Variants in KPNA7 observed in about 807,000 individuals in gnomAD.
KPNA7 encodes karyopherin subunit alpha 7.
KPNA7 carries 54 observed loss-of-function variants against 53.7 expected under a neutral mutation model. The ratio of observed to expected loss-of-function variants is 1.01; its 90% CI spans 0.81 to 1.26. The LOEUF (loss-of-function observed/expected upper bound fraction) is 1.26. Among genes scored for constraint, KPNA7 ranks in the 50% most tolerant of loss-of-function variants. KPNA7 has a pLI of 0.00. For synonymous variants in KPNA7, 276 were observed against 259.3 expected (o/e 1.06, Z -0.62); for missense variants, 640 against 644.5 (o/e 0.99, Z 0.07).
At chr7:99,172,202 A>G (rs1798782644), downstream of KPNA7, among the ~76,000 whole-genome samples, 2 of 152,224 alleles carry the variant, frequency 1.3e-5, no homozygotes, top group Non-Finnish European at 2.9e-5. Flanking sequence ...AAATTCGAAC[A>G]TCGTCTTTAG....
intron 1 of KPNA7, among the ~76,000 whole-genome samples, chr7:99,217,775 C>A (rs1462462803): frequency 1.3e-5 from 2 of 151,630 alleles, no homozygotes; most frequent in African/African-American, 4.8e-5. Context: ...GGATTACAGT[C>A]ACACACCACC....
At chr7:99,191,160 ATTTTTT>A (rs5886098) in intron 6 of KPNA7, among the ~76,000 whole-genome samples, 2 of 134,682 alleles carry the variant, frequency 1.5e-5, no homozygotes, top group African/African-American at 2.7e-5. Context: ...CTGCTATACA[ATTTTTT>A]TTTTTTTTTT....
intron 1 of KPNA7, among the ~76,000 whole-genome samples, chr7:99,216,456 C>T (rs1252382776): frequency 6.6e-6 from 1 of 152,214 alleles, no homozygotes; most frequent in Non-Finnish European, 1.5e-5. Context: ...AGCTCAGCTG[C>T]TCCCTATACA....
chr7:99,168,665 A>G (rs779240919), downstream of KPNA7, among the ~76,000 whole-genome samples: 1 of 151,908 alleles, frequency 6.6e-6, no homozygotes, highest in Non-Finnish European at 1.5e-5. Flanking sequence ...CATCCAGCTA[A>G]TTTTTTTAAA....
At chr7:99,179,576 T>C (rs1479769841) in intron 9 of KPNA7, among the ~76,000 whole-genome samples, 1 of 150,776 alleles carries the variant, frequency 6.6e-6, no homozygotes, top group Non-Finnish European at 1.5e-5. Context: ...TATATATTTA[T>C]ATTATTTATA....
intron 2 of KPNA7, among the ~76,000 whole-genome samples, chr7:99,203,743 C>T (rs991890546): frequency 6.6e-6 from 1 of 152,042 alleles, no homozygotes; most frequent in Admixed American, 6.6e-5. Context: ...TGGAGTCTCA[C>T]TCTGTCACCC....
chr7:99,216,208 T>C (rs1791215184), intron 1 of KPNA7, among the ~76,000 whole-genome samples: 2 of 151,998 alleles, frequency 1.3e-5, no homozygotes, highest in Non-Finnish European at 2.9e-5. Context: ...TTTTGCATTT[T>C]AGAAAGACAG....
chr7:99,176,647 G>A (rs544695144), intron 10 of KPNA7, among the ~76,000 whole-genome samples: 1 of 152,242 alleles, frequency 6.6e-6, no homozygotes, highest in South Asian at 2.1e-4. Flanking sequence ...GGCCGAGACG[G>A]GTGGCTTGCT....
At chr7:99,178,525 G>A (rs528994447) in intron 9 of KPNA7, among the ~76,000 whole-genome samples, 2 of 151,872 alleles carry the variant, frequency 1.3e-5, no homozygotes, top group South Asian at 2.1e-4. Context: ...CTGACATTGC[G>A]CCACTGCACT....
the KPNA7 span, among the ~76,000 whole-genome samples, chr7:99,151,194 A>C: frequency 6.6e-6 from 1 of 152,050 alleles, no homozygotes; most frequent in East Asian, 1.9e-4. Context: ...TGGTGCCTGC[A>C]TCGTGCTGAT....
chr7:99,158,340 CT>C, the KPNA7 span, among the ~76,000 whole-genome samples: 2 of 152,018 alleles, frequency 1.3e-5, no homozygotes, highest in Admixed American at 1.3e-4. Context: ...TTTCTTTCCT[CT>C]ATGTTTTTTT....
chr7:99,190,546 TAAAGGGCCAGA>T, intron 6 of KPNA7, among the ~76,000 whole-genome samples: 1 of 152,104 alleles, frequency 6.6e-6, no homozygotes, highest in Admixed American at 6.6e-5. Flanking sequence ...ACTTTTTCGG[TAAAGGGCCAGA>T]TCTTAAACAT....
At chr7:99,194,963 T>C (rs1198039787) in intron 5 of KPNA7, 107 bp downstream of exon 5, 2 of 1,314,812 alleles carry the variant, frequency 1.5e-6, no homozygotes, top group African/African-American at 1.5e-5. Context: ...GGTATTTACA[T>C]GGCAAAGTGT....
At chr7:99,173,821 A>AC (rs1436671123) in intron 10 of KPNA7, 27 bp from the exon 11 acceptor site, 3 of 1,344,906 alleles carry the variant, frequency 2.2e-6, no homozygotes, top group Non-Finnish European at 3.1e-6. Flanking sequence ...ACACTGTTAT[A>AC]CCTCCAGGAT....
chr7:99,211,417 G>A (rs1025107347), upstream of KPNA7, among the ~76,000 whole-genome samples: 5 of 152,228 alleles, frequency 3.3e-5, no homozygotes, highest in South Asian at 1.0e-3. Context: ...GTGAGACTCT[G>A]TCTCAAAAAA....
chr7:99,176,316 AG>A (rs775296377), intron 10 of KPNA7, among the ~76,000 whole-genome samples: 3,743 of 71,210 alleles, frequency 0.053, 160 homozygotes, highest in African/African-American at 0.12. Flanking sequence ...AAAAAAAGAA[AG>A]AAAGAAAGAA....
chr7:99,163,361 A>G, the KPNA7 span, among the ~76,000 whole-genome samples: 1,289 of 69,998 alleles, frequency 0.018, 39 homozygotes, highest in African/African-American at 0.059. Flanking sequence ...GAGTGTGTGT[A>G]TATATATATA....
the KPNA7 span, among the ~76,000 whole-genome samples, chr7:99,167,461 C>T: frequency 6.6e-6 from 1 of 151,944 alleles, no homozygotes; most frequent in South Asian, 2.1e-4. Flanking sequence ...ATCTAGACTG[C>T]ATACTCCTCA....
rs13243515 is a variant in KPNA7 at position 99,182,688 on chromosome 7, G to C, written c.1135-623C>G. ...CATCTTTGGAAAGCCAAGAAGGCAG[G>C]AGACTCAGGTGGGGTCTTAGAGGGA... On this transcript the variant is annotated intron_variant, in intron 8 of 10. Transcript: ENST00000327442. Among the ~76,000 whole-genome samples the C allele has an allele frequency of 1.1e-4, 17 of 152,204 alleles. No homozygotes were observed. In the South Asian group the frequency reaches 3.3e-3, roughly 30 times the overall value.
Sources: gnomAD v4.1 joint callset for allele counts (sites outside exome capture counted in the v4.1 genomes callset) on GRCh38, gnomAD v4.1.1 for gene constraint, MANE v1.5 for transcripts, NCBI Gene and HGNC (gene_info 2026-07-23, HGNC 2026-07-21) for gene names.